Variants in EHBP1 observed in about 807,000 individuals in gnomAD.
The protein encoded by EHBP1 is EH domain binding protein 1.
In EHBP1, 55 loss-of-function variants were observed where a neutral mutation model predicts 144.0. The ratio of observed to expected loss-of-function variants is 0.38; its 90% CI spans 0.31 to 0.48. The LOEUF (loss-of-function observed/expected upper bound fraction) is 0.48. Among genes scored for constraint, EHBP1 ranks in the 20% least tolerant of loss-of-function variants. EHBP1 has a pLI of 0.98. For missense variants in EHBP1, 1,200 were observed against 1,364.2 expected, an observed-to-expected ratio of 0.88 and a Z score of 1.90; for synonymous variants, 469 against 472.7, an observed-to-expected ratio of 0.99 and a Z score of 0.10.
At chr2:63,023,732 C>A (rs932244804) in intron 19 of EHBP1, among the ~76,000 whole-genome samples, 1 of 152,166 alleles carries the variant, frequency 6.6e-6, no homozygotes, top group African/African-American at 2.4e-5. Context: ...TTAGACACTT[C>A]TGAACTGGAA....
intron 19 of EHBP1, among the ~76,000 whole-genome samples, chr2:63,018,619 T>C (rs796201351): frequency 7.9e-5 from 12 of 152,354 alleles, no homozygotes; most frequent in African/African-American, 2.9e-4. Context: ...CAGTATTAAG[T>C]TGACTTTCTC....
At chr2:62,960,494 G>A (rs578119785) in intron 14 of EHBP1, among the ~76,000 whole-genome samples, 16 of 152,090 alleles carry the variant, frequency 1.1e-4, no homozygotes, top group South Asian at 1.0e-3. Context: ...ATTCTCTACC[G>A]TAGCATGCAT....
At chr2:62,713,454 G>T (rs2035358458) in intron 2 of EHBP1, among the ~76,000 whole-genome samples, 1 of 152,016 alleles carries the variant, frequency 6.6e-6, no homozygotes, top group Non-Finnish European at 1.5e-5. Flanking sequence ...ATGTTGGCCA[G>T]GCTGGTCTCG....
At chr2:62,831,722 A>T (rs571846521) in intron 7 of EHBP1, among the ~76,000 whole-genome samples, 1 of 152,200 alleles carries the variant, frequency 6.6e-6, no homozygotes, top group Non-Finnish European at 1.5e-5. Flanking sequence ...TGGCTATCAC[A>T]CTTAAGCAAT....
intron 10 of EHBP1, among the ~76,000 whole-genome samples, chr2:62,884,914 T>C (rs2152889695): frequency 6.6e-6 from 1 of 152,358 alleles, no homozygotes; most frequent in South Asian, 2.1e-4. Context: ...AAAACATTTC[T>C]GTTAAAATTA....
intron 19 of EHBP1, among the ~76,000 whole-genome samples, chr2:63,002,997 A>G (rs377193064): frequency 6.6e-6 from 1 of 151,982 alleles, no homozygotes; most frequent in Non-Finnish European, 1.5e-5. Context: ...CTCATTTCTT[A>G]TCCTACAAGT....
chr2:62,855,992 A>G (rs1198662246), intron 7 of EHBP1, among the ~76,000 whole-genome samples: 1 of 152,052 alleles, frequency 6.6e-6, no homozygotes. Flanking sequence ...CCTCCCTGCT[A>G]GGAGCTGAAC....
At chr2:62,734,258 A>G (rs1010065389) in intron 2 of EHBP1, among the ~76,000 whole-genome samples, 2 of 151,808 alleles carry the variant, frequency 1.3e-5, no homozygotes, top group African/African-American at 4.8e-5. Context: ...TAGTGAAAGT[A>G]TTTCTCTATC....
At chr2:63,032,448 G>A (rs1017536804) in intron 19 of EHBP1, among the ~76,000 whole-genome samples, 1 of 150,446 alleles carries the variant, frequency 6.6e-6, no homozygotes, top group African/African-American at 2.4e-5. Context: ...GGCGCCTGTA[G>A]TCCCAGCTAC....
intron 10 of EHBP1, among the ~76,000 whole-genome samples, chr2:62,936,437 A>G (rs1028140860): frequency 6.6e-6 from 1 of 151,980 alleles, no homozygotes; most frequent in Non-Finnish European, 1.5e-5. Flanking sequence ...CCTCTCTATT[A>G]TATGCTTAGG....
At chr2:62,952,630 G>A (rs923719114) in intron 13 of EHBP1, among the ~76,000 whole-genome samples, 1 of 152,158 alleles carries the variant, frequency 6.6e-6, no homozygotes, top group African/African-American at 2.4e-5. Flanking sequence ...CATAAGGTAA[G>A]TAGTCAAATT....
chr2:62,736,203 T>C (rs2038104488), intron 2 of EHBP1, among the ~76,000 whole-genome samples: 1 of 151,680 alleles, frequency 6.6e-6, no homozygotes, highest in Non-Finnish European at 1.5e-5. Flanking sequence ...TGTTTTTTTT[T>C]TCAGTCTTTG....
chr2:62,685,872 A>C (rs538890255), intron 1 of EHBP1, among the ~76,000 whole-genome samples: 3 of 152,200 alleles, frequency 2.0e-5, no homozygotes, highest in Non-Finnish European at 4.4e-5. Flanking sequence ...ATAAAACCAG[A>C]ATCTTCAGCT....
intron 2 of EHBP1, chr2:62,726,881 G>A (rs937980289): frequency 9.5e-5 from 14 of 147,156 alleles, no homozygotes; most frequent in South Asian, 2.1e-4. Flanking sequence ...TTTTTTTTTC[G>A]AGACGGAGTC....
chr2:62,822,287 G>T (rs749337922), intron 5 of EHBP1, among the ~76,000 whole-genome samples: 1 of 152,128 alleles, frequency 6.6e-6, no homozygotes, highest in African/African-American at 2.4e-5. Context: ...AGTCCATAGA[G>T]GTGGAGAACT....
At chr2:62,717,688 G>A (rs996806263) in intron 2 of EHBP1, among the ~76,000 whole-genome samples, 3 of 151,606 alleles carry the variant, frequency 2.0e-5, no homozygotes, top group Non-Finnish European at 2.9e-5. Context: ...TTGTTATTTC[G>A]AAAATAGTTT....
At position 62,771,297 on chromosome 2, in the gene EHBP1, A is replaced by T. The variant is rs762361231; in HGVS notation, c.259-42A>T. On this transcript the variant is annotated intron_variant, in intron 4 of 22. Coordinates refer to ENST00000431489, the MANE Select transcript of EHBP1 (RefSeq NM_001142616.3). ...CTTAATTGGGTTTATTGGACTAAAG[A>T]CATGTATTTCAATTCCATTTCATAT... 6.8e-6 allele frequency: 10 copies of T among 1,473,094 alleles called. No individual in the cohort carries two copies. In the East Asian group the frequency reaches 2.2e-4, roughly 32 times the overall value. 91.3% of individuals were successfully genotyped at this position (1,473,094 alleles called of 1,614,324 possible). A position where few individuals can be genotyped will look rare whatever the true frequency, so the allele number is the denominator to read the frequency against.
chr2:62,956,585 T>C (rs1047263460), intron 14 of EHBP1, among the ~76,000 whole-genome samples: 2 of 151,698 alleles, frequency 1.3e-5, no homozygotes, highest in Non-Finnish European at 2.9e-5. Context: ...CATGGTGACT[T>C]ATGCCTGTAC....
chr2:62,857,661 G>C (rs1327698359), intron 7 of EHBP1, among the ~76,000 whole-genome samples: 1 of 152,016 alleles, frequency 6.6e-6, no homozygotes, highest in African/African-American at 2.4e-5. Context: ...TATCCTAAAA[G>C]GTTCTTATTT....
Sources: allele counts gnomAD v4.1 joint callset (sites outside exome capture counted in the v4.1 genomes callset), GRCh38; gene constraint gnomAD v4.1.1; transcripts MANE v1.5; gene names NCBI Gene and HGNC (gene_info 2026-07-23, HGNC 2026-07-21).